The following ANKRD55 variants were observed in gnomAD, a reference collection of about 807,000 sequenced individuals.
ANKRD55 encodes ankyrin repeat domain-containing protein 55.
Under a neutral mutation model 60.6 loss-of-function variants are expected in ANKRD55, and 41 were observed. The observed-to-expected ratio is 0.68, with a 90% CI of 0.53 to 0.88. The LOEUF (loss-of-function observed/expected upper bound fraction) is 0.88, where lower values mean the gene tolerates loss of function less well. ANKRD55 is among the 40% of genes least tolerant of loss of function. The pLI is 0.00. For missense variants in ANKRD55, 732 were observed against 767.6 expected (o/e 0.95, Z 0.55); for synonymous variants, 264 against 290.3 (o/e 0.91, Z 0.92).
intron 9 of ANKRD55, 95 bp downstream of exon 9, chr5:56,116,520 A>G (rs318805): frequency 0.35 from 353,131 of 998,656 alleles, 65,744 homozygotes; most frequent in Middle Eastern, 0.4. Flanking sequence ...TAATAATATT[A>G]TTATTGGTTT....
At chr5:56,155,665 T>C (rs778746225) in intron 6 of ANKRD55, among the ~76,000 whole-genome samples, 65 of 151,962 alleles carry the variant, frequency 4.3e-4, no homozygotes, top group Non-Finnish European at 8.5e-4. Context: ...CTCAGAGTTA[T>C]ATGAGTGCCA....
At chr5:56,116,803 A>C in intron 8 of ANKRD55, 21 bp from the exon 9 acceptor site, 1 of 1,579,458 alleles carries the variant, frequency 6.3e-7, no homozygotes. Flanking sequence ...CATGTGAAAA[A>C]AGCACAAGCG....
chr5:56,113,843 T>A lies in ANKRD55; in HGVS notation c.966-2061A>T, dbSNP rs372171950. Among the ~76,000 whole-genome samples the A allele has an allele frequency of 1.7e-4, 25 of 151,402 alleles. No homozygotes were observed. The East Asian group carries it at 4.5e-3, about 27-fold the overall frequency. ...TTTGGTATTTTCAGTAGAGATGGGG[T>A]TTTGCCATCTTGGCTAGGCTAGTCT... On this transcript the variant is annotated intron_variant, in intron 9 of 11. Transcript: ENST00000341048.
chr5:56,125,344 G>A (rs7726255), intron 8 of ANKRD55, among the ~76,000 whole-genome samples: 8,412 of 151,178 alleles, frequency 0.056, 835 homozygotes, highest in African/African-American at 0.19. Flanking sequence ...GCAATGGCGC[G>A]ATCTTGGCTC....
chr5:56,109,536 C>T (rs1408377049), intron 10 of ANKRD55, among the ~76,000 whole-genome samples: 1 of 144,636 alleles, frequency 6.9e-6, no homozygotes, highest in Admixed American at 6.9e-5. Context: ...ACCTGTGGAT[C>T]TTTTTTTTTT....
chr5:56,125,343 C>T (rs3929172), intron 8 of ANKRD55, among the ~76,000 whole-genome samples: 31,379 of 151,350 alleles, frequency 0.21, 3,682 homozygotes, highest in Non-Finnish European at 0.27. Flanking sequence ...TGCAATGGCG[C>T]GATCTTGGCT....
intron 7 of ANKRD55, among the ~76,000 whole-genome samples, chr5:56,143,045 C>T (rs1435136724): frequency 6.6e-6 from 1 of 152,158 alleles, no homozygotes; most frequent in Admixed American, 6.5e-5. Context: ...GTCAGGGCAG[C>T]AGAAACTATT....
chr5:56,160,671 A>G (rs1363127292), intron 5 of ANKRD55: 3 of 152,228 alleles, frequency 2.0e-5, no homozygotes, highest in Non-Finnish European at 4.4e-5. Context: ...TTATACCAGG[A>G]GGTTGTCAGT....
chr5:56,166,111 T>TTTTC (rs71602942), intron 5 of ANKRD55, among the ~76,000 whole-genome samples: 6 of 76,118 alleles, frequency 7.9e-5, no homozygotes, highest in Middle Eastern at 5.2e-3. Flanking sequence ...TCTTTCTTTC[T>TTTTC]TTCTTTCTTT....
intron 6 of ANKRD55, 119 bp from the exon 7 acceptor site, chr5:56,144,048 T>C: frequency 5.4e-6 from 7 of 1,302,888 alleles, no homozygotes; most frequent in Non-Finnish European, 7.5e-6. Flanking sequence ...TGTTTCCTGC[T>C]GGTTCATTCA....
chr5:56,159,968 T>C (rs1008083171), intron 5 of ANKRD55, 75 bp from the exon 6 acceptor site: 16 of 1,344,776 alleles, frequency 1.2e-5, no homozygotes, highest in Admixed American at 3.5e-5. Flanking sequence ...TATAAAAACA[T>C]GACCTTAGAA....
At chr5:56,119,802 C>T (rs1013665321) in intron 8 of ANKRD55, among the ~76,000 whole-genome samples, 5 of 151,794 alleles carry the variant, frequency 3.3e-5, no homozygotes, top group Non-Finnish European at 5.9e-5. Context: ...CTGTAGTCCT[C>T]GCTTCTCAGG....
intron 2 of ANKRD55, among the ~76,000 whole-genome samples, chr5:56,225,757 C>T (rs1760095411): frequency 6.6e-6 from 1 of 152,144 alleles, no homozygotes; most frequent in South Asian, 2.1e-4. Context: ...GAATAAAATA[C>T]ATAGGAAACC....
At chr5:56,174,059 G>A (rs1451827711) in intron 4 of ANKRD55, among the ~76,000 whole-genome samples, 2 of 152,138 alleles carry the variant, frequency 1.3e-5, no homozygotes, top group Admixed American at 6.5e-5. Flanking sequence ...CAGAACAATG[G>A]AGGGTCCTGC....
intron 8 of ANKRD55, among the ~76,000 whole-genome samples, chr5:56,120,432 T>A (rs1757008403): frequency 6.6e-6 from 1 of 152,248 alleles, no homozygotes; most frequent in South Asian, 2.1e-4. Flanking sequence ...ATGGTTGACT[T>A]TGTGCTCAAC....
intron 7 of ANKRD55, among the ~76,000 whole-genome samples, chr5:56,139,736 T>C (rs1363545648): frequency 6.6e-6 from 1 of 152,192 alleles, no homozygotes. Context: ...ATAATAGCTA[T>C]GTTAGTACAT....
chr5:56,156,128 G>T (rs917556816), intron 6 of ANKRD55, among the ~76,000 whole-genome samples: 6 of 152,138 alleles, frequency 3.9e-5, no homozygotes, highest in African/African-American at 1.4e-4. Context: ...GAGTCCATGT[G>T]TATGAAAAAC....
intron 2 of ANKRD55, among the ~76,000 whole-genome samples, chr5:56,195,450 T>C (rs1418242526): frequency 1.3e-5 from 2 of 152,170 alleles, no homozygotes; most frequent in Non-Finnish European, 1.5e-5. Flanking sequence ...AGCTAAACAA[T>C]TTCTTTTTTT....
At chr5:56,216,763 T>C (rs562763123) in intron 2 of ANKRD55, among the ~76,000 whole-genome samples, 2 of 152,234 alleles carry the variant, frequency 1.3e-5, no homozygotes, top group Admixed American at 6.5e-5. Context: ...ATGAGGAAGA[T>C]GAAAAATAAA....
Sources: gnomAD v4.1 joint callset for allele counts (sites outside exome capture counted in the v4.1 genomes callset) on GRCh38, gnomAD v4.1.1 for gene constraint, MANE v1.5 for transcripts, NCBI Gene and HGNC (gene_info 2026-07-23, HGNC 2026-07-21) for gene names.